USH2A: variants seen among roughly 807,000 people sequenced by gnomAD.
USH2A encodes the protein Usher syndrome 2A (autosomal recessive, mild).
USH2A carries 443 observed loss-of-function variants against 538.9 expected under a neutral mutation model. The ratio of observed to expected loss-of-function variants is 0.82; its 90% confidence interval spans 0.76 to 0.89. The LOEUF (loss-of-function observed/expected upper bound fraction) is 0.89. Among genes scored for constraint, USH2A ranks in the 40% least tolerant of loss-of-function variants. The probability of loss-of-function intolerance (pLI) is 0.00; values close to 1 mark genes in which losing one functional copy is unlikely to be tolerated. For missense variants in USH2A, 6,633 were observed against 6,324.8 expected (o/e 1.05, Z -1.65); for synonymous variants, 2,413 against 2,273.5 (o/e 1.06, Z -1.75).
intron 21 of USH2A, among the ~76,000 whole-genome samples, chr1:216,098,587 AG>A (rs1339850964): frequency 6.6e-6 from 1 of 152,182 alleles, no homozygotes; most frequent in Non-Finnish European, 1.5e-5. Context: ...TAGGATTTGA[AG>A]GCAGGAAAGC....
At chr1:215,844,154 C>A (rs1014919154) in intron 46 of USH2A, 140 bp downstream of exon 46, 63 of 876,328 alleles carry the variant, frequency 7.2e-5, no homozygotes, top group Admixed American at 2.9e-4. Context: ...TAATTCTGAT[C>A]AATTTCCCTT....
chr1:215,973,024 A>C lies in USH2A; in HGVS notation c.6806-2248T>G, dbSNP rs562971674. ...AAGATATGATCAGGTAATAACAATG[A>C]CCAAAAAATTCTTACATGTCAGGCT... On this transcript the variant is annotated intron_variant, in intron 35 of 71. Coordinates refer to ENST00000307340, the MANE Select transcript of USH2A (RefSeq NM_206933.4). 2.5e-4 allele frequency among the ~76,000 whole-genome samples: 38 copies of C among 152,306 alleles called. 1 individual carries two copies. Among genetic ancestry groups the C allele is most frequent in the African/African-American group, 9.1e-4 (38 of 41,564 alleles).
intron 68 of USH2A, 129 bp from the exon 69 acceptor site, chr1:215,639,367 T>A: frequency 1.2e-6 from 1 of 853,856 alleles, no homozygotes; most frequent in Non-Finnish European, 1.9e-6. Flanking sequence ...ACGTTTTATA[T>A]AATATTCAAA....
At chr1:216,261,678 C>T (rs1383868848) in intron 11 of USH2A, among the ~76,000 whole-genome samples, 1 of 152,042 alleles carries the variant, frequency 6.6e-6, no homozygotes, top group African/African-American at 2.4e-5. Flanking sequence ...GGCAAACCAA[C>T]ATGTGCCTAT....
intron 4 of USH2A, among the ~76,000 whole-genome samples, chr1:216,336,379 C>T (rs950323696): frequency 1.3e-5 from 2 of 151,158 alleles, no homozygotes; most frequent in South Asian, 2.1e-4. Flanking sequence ...TTCTAGTCAA[C>T]ATTTTTCTGT....
chr1:216,097,173 C>T lies in USH2A; in HGVS notation c.4668G>A (p.Leu1556=), dbSNP rs727503729. The change falls in exon 22 of 72, where the codon TTG becomes TTA. Residue 1556 remains leucine (L), a synonymous_variant. Transcript: ENST00000307340. The part of the protein sequence containing the change: ...ASFRTKVPEG[L]IVFAASPGNQ... ...TGCCAGGTGATGCTGCAAAGACAAT[C>T]AAACCTTCAGGCACTTTTGTTCGAA... 6.2e-7 allele frequency: 1 copy of T among 1,614,136 alleles called. No homozygotes were observed.
At chr1:216,017,837 C>T (rs1487655923) in intron 32 of USH2A, among the ~76,000 whole-genome samples, 1 of 152,130 alleles carries the variant, frequency 6.6e-6, no homozygotes, top group Non-Finnish European at 1.5e-5. Context: ...TATAATCAAT[C>T]CTTAAATATT....
intron 55 of USH2A, among the ~76,000 whole-genome samples, chr1:215,768,356 GAA>G (rs1661189723): frequency 6.6e-6 from 1 of 152,160 alleles, no homozygotes; most frequent in African/African-American, 2.4e-5. Flanking sequence ...TTAAACGAAT[GAA>G]AAAATTACCC....
intron 3 of USH2A, among the ~76,000 whole-genome samples, chr1:216,392,746 T>C (rs556612308): frequency 2.0e-5 from 3 of 152,286 alleles, no homozygotes; most frequent in South Asian, 4.1e-4. Flanking sequence ...ACATAAAAGC[T>C]GAAGGGAATT....
intron 40 of USH2A, among the ~76,000 whole-genome samples, chr1:215,898,077 G>A (rs1430867344): frequency 2.6e-5 from 4 of 152,136 alleles, no homozygotes; most frequent in Admixed American, 6.5e-5. Flanking sequence ...CACTGCTAAC[G>A]TAACCTGCAG....
intron 26 of USH2A, chr1:216,079,844 A>G (rs2031878149): frequency 6.6e-6 from 1 of 152,198 alleles, no homozygotes; most frequent in Non-Finnish European, 1.5e-5. Flanking sequence ...CTGATGAAAG[A>G]GAAGACTCAA....
At chr1:215,908,718 C>G (rs1274733788) in intron 38 of USH2A, among the ~76,000 whole-genome samples, 1 of 151,746 alleles carries the variant, frequency 6.6e-6, no homozygotes, top group Non-Finnish European at 1.5e-5. Flanking sequence ...CATAACTTTT[C>G]AAATAATTGC....
chr1:216,373,347 C>T (rs2038751957), intron 3 of USH2A, among the ~76,000 whole-genome samples: 1 of 152,096 alleles, frequency 6.6e-6, no homozygotes, highest in Non-Finnish European at 1.5e-5. Flanking sequence ...CAAATATTTC[C>T]CTGTTACTCT....
intron 61 of USH2A, among the ~76,000 whole-genome samples, chr1:215,682,383 A>G (rs1658263908): frequency 6.6e-6 from 1 of 152,182 alleles, no homozygotes; most frequent in Admixed American, 6.5e-5. Flanking sequence ...CTGCTCAATT[A>G]TAATTTATTT....
At chr1:216,146,769 C>A (rs1237743518) in intron 21 of USH2A, among the ~76,000 whole-genome samples, 1 of 152,090 alleles carries the variant, frequency 6.6e-6, no homozygotes, top group Non-Finnish European at 1.5e-5. Context: ...TGTCTCTATG[C>A]TCTCTTTTCT....
chr1:215,779,795 C>A, intron 55 of USH2A, 48 bp downstream of exon 55: 2 of 1,605,724 alleles, frequency 1.2e-6, no homozygotes, highest in South Asian at 1.1e-5. Flanking sequence ...CCCCTAACCA[C>A]AATGACAGAC....
At chr1:215,902,835 A>G (rs994704948) in intron 38 of USH2A, among the ~76,000 whole-genome samples, 10 of 152,110 alleles carry the variant, frequency 6.6e-5, no homozygotes, top group Middle Eastern at 3.2e-3. Context: ...TGTTTAAGGA[A>G]CAGTGTGGCT....
chr1:215,994,542 C>T (rs1558200429), intron 34 of USH2A, among the ~76,000 whole-genome samples: 1 of 152,132 alleles, frequency 6.6e-6, no homozygotes, highest in Non-Finnish European at 1.5e-5. Flanking sequence ...CCCATGTCTT[C>T]AGGATAATTT....
intron 3 of USH2A, among the ~76,000 whole-genome samples, chr1:216,366,629 G>A (rs907100252): frequency 6.6e-6 from 1 of 151,814 alleles, no homozygotes; most frequent in African/African-American, 2.4e-5. Context: ...AAAAAAACAG[G>A]AAGTTACTAC....
Sources: allele counts gnomAD v4.1 joint callset (sites outside exome capture counted in the v4.1 genomes callset), GRCh38; gene constraint gnomAD v4.1.1; transcripts MANE v1.5; gene names NCBI Gene and HGNC (gene_info 2026-07-23, HGNC 2026-07-21).